The following SMYD3 variants were observed in gnomAD, a reference collection of about 807,000 sequenced individuals.
The protein encoded by SMYD3 is SET and MYND domain containing 3.
In SMYD3, 36 loss-of-function variants were observed where a neutral mutation model predicts 57.7. That is an observed-to-expected ratio of 0.62 (90% CI 0.48 to 0.82). The LOEUF (loss-of-function observed/expected upper bound fraction) is 0.82, where lower values mean the gene tolerates loss of function less well. Among genes scored for constraint, SMYD3 ranks in the 40% least tolerant of loss-of-function variants. The pLI is 0.00. For synonymous variants in SMYD3, 211 were observed against 195.0 expected (o/e 1.08, Z -0.68); for missense variants, 515 against 538.8 (o/e 0.96, Z 0.44).
At chr1:246,302,508 T>C (rs148418060) in intron 5 of SMYD3, among the ~76,000 whole-genome samples, 1 of 152,096 alleles carries the variant, frequency 6.6e-6, no homozygotes, top group African/African-American at 2.4e-5. Flanking sequence ...TGAAAAAAAC[T>C]GTATAAACAA....
intron 10 of SMYD3, among the ~76,000 whole-genome samples, chr1:245,850,582 C>G (rs1279322401): frequency 6.6e-6 from 1 of 151,954 alleles, no homozygotes. Context: ...TGTGGTCCCC[C>G]CTCATCTACT....
intron 5 of SMYD3, among the ~76,000 whole-genome samples, chr1:246,037,667 G>A (rs965647563): frequency 3.3e-5 from 5 of 152,188 alleles, no homozygotes; most frequent in Non-Finnish European, 5.9e-5. Context: ...GCAGGTCTCC[G>A]AGCGTCACAA....
intron 5 of SMYD3, among the ~76,000 whole-genome samples, chr1:245,998,745 G>T (rs2058979845): frequency 6.6e-6 from 1 of 152,140 alleles, no homozygotes; most frequent in Non-Finnish European, 1.5e-5. Flanking sequence ...CCAAAAAGTG[G>T]AAACATCCCA....
intron 1 of SMYD3, among the ~76,000 whole-genome samples, chr1:246,413,253 T>C (rs1317800814): frequency 6.6e-6 from 1 of 152,148 alleles, no homozygotes; most frequent in Non-Finnish European, 1.5e-5. Flanking sequence ...AGAAAGAAAG[T>C]CAGGTTGCCC....
At chr1:246,464,814 G>A (rs2067858725) in intron 1 of SMYD3, among the ~76,000 whole-genome samples, 1 of 152,014 alleles carries the variant, frequency 6.6e-6, no homozygotes, top group African/African-American at 2.4e-5. Context: ...TTCCCCCATG[G>A]ATCTGTTAAT....
intron 5 of SMYD3, among the ~76,000 whole-genome samples, chr1:246,049,058 C>T (rs906873214): frequency 3.9e-5 from 6 of 152,186 alleles, no homozygotes; most frequent in African/African-American, 1.4e-4. Context: ...GCATTATGTA[C>T]AGATGCCCTA....
intron 1 of SMYD3, among the ~76,000 whole-genome samples, chr1:246,491,785 G>T (rs940432734): frequency 6.6e-6 from 1 of 152,152 alleles, no homozygotes; most frequent in Admixed American, 6.5e-5. Flanking sequence ...CTCCAAGCTG[G>T]CCAGGCCCTC....
intron 1 of SMYD3, among the ~76,000 whole-genome samples, chr1:246,385,451 T>C (rs1418773096): frequency 6.6e-6 from 1 of 151,826 alleles, no homozygotes; most frequent in Non-Finnish European, 1.5e-5. Flanking sequence ...TATTAAAATG[T>C]TATAAATATT....
intron 10 of SMYD3, among the ~76,000 whole-genome samples, chr1:245,786,216 G>GGGGA (rs1553321368): frequency 2.2e-5 from 3 of 138,316 alleles, no homozygotes; most frequent in African/African-American, 7.8e-5. Flanking sequence ...GTGTGGACGG[G>GGGGA]GGGGGGATGG....
intron 5 of SMYD3, among the ~76,000 whole-genome samples, chr1:246,080,781 C>G (rs1340263907): frequency 1.3e-5 from 2 of 152,192 alleles, no homozygotes; most frequent in East Asian, 3.8e-4. Context: ...TATCTCCCCC[C>G]TCTAGAATGC....
intron 1 of SMYD3, among the ~76,000 whole-genome samples, chr1:246,466,340 T>A (rs1442214624): frequency 6.6e-6 from 1 of 152,208 alleles, no homozygotes; most frequent in Non-Finnish European, 1.5e-5. Context: ...ATACTATGCA[T>A]GCGGCCATAA....
At chr1:245,903,804 G>A (rs1004925211) in intron 8 of SMYD3, among the ~76,000 whole-genome samples, 1 of 152,192 alleles carries the variant, frequency 6.6e-6, no homozygotes, top group Non-Finnish European at 1.5e-5. Flanking sequence ...GGAGCAGGTG[G>A]GATGCCCCAA....
intron 5 of SMYD3, among the ~76,000 whole-genome samples, chr1:246,039,113 T>C (rs571131727): frequency 2.4e-4 from 36 of 152,288 alleles, no homozygotes; most frequent in African/African-American, 6.0e-4. Context: ...GAACAAAACA[T>C]AGACCGTGGA....
At chr1:246,287,071 C>A (rs2064583442) in intron 5 of SMYD3, among the ~76,000 whole-genome samples, 1 of 151,944 alleles carries the variant, frequency 6.6e-6, no homozygotes, top group African/African-American at 2.4e-5. Context: ...AGGGTTTCAC[C>A]ATGTTGGCCA....
chr1:246,316,583 G>A (rs2065163505), intron 5 of SMYD3, among the ~76,000 whole-genome samples: 1 of 114,142 alleles, frequency 8.8e-6, no homozygotes, highest in Non-Finnish European at 1.7e-5. Flanking sequence ...GTTTCACCAT[G>A]TTGCCCAGGA....
At chr1:245,807,549 C>A (rs1041666718) in intron 10 of SMYD3, among the ~76,000 whole-genome samples, 1 of 152,096 alleles carries the variant, frequency 6.6e-6, no homozygotes, top group African/African-American at 2.4e-5. Flanking sequence ...AGAGAATTAC[C>A]GGCACACATT....
chr1:246,021,441 T>A (rs2148227837), intron 5 of SMYD3, among the ~76,000 whole-genome samples: 1 of 152,136 alleles, frequency 6.6e-6, no homozygotes, highest in South Asian at 2.1e-4. Flanking sequence ...TTGTCTGTAG[T>A]TAAGTAATGG....
At chr1:245,970,517 C>A (rs1331273898) in intron 5 of SMYD3, among the ~76,000 whole-genome samples, 1 of 152,166 alleles carries the variant, frequency 6.6e-6, no homozygotes, top group East Asian at 1.9e-4. Flanking sequence ...TCAGAGGAAA[C>A]AGGCAACCTA....
At chr1:245,974,309 T>C (rs901393673) in intron 5 of SMYD3, among the ~76,000 whole-genome samples, 4 of 152,202 alleles carry the variant, frequency 2.6e-5, no homozygotes, top group African/African-American at 7.2e-5. Flanking sequence ...ACAGTATTTA[T>C]TTTTCTCTAA....
Sources: gnomAD v4.1 joint callset for allele counts (sites outside exome capture counted in the v4.1 genomes callset) on GRCh38, gnomAD v4.1.1 for gene constraint, MANE v1.5 for transcripts, NCBI Gene and HGNC (gene_info 2026-07-23, HGNC 2026-07-21) for gene names.